The following PCDHGA3 variants were observed in gnomAD, a reference collection of about 807,000 sequenced individuals.
PCDHGA3 encodes protocadherin gamma-A3.
Under a neutral mutation model 58.5 loss-of-function variants are expected in PCDHGA3, and 40 were observed. The ratio of observed to expected loss-of-function variants is 0.68; its 90% CI spans 0.53 to 0.89. PCDHGA3 has a LOEUF of 0.89. Ranked by LOEUF, PCDHGA3 falls within the 40% of genes least tolerant of loss-of-function variation. PCDHGA3 has a pLI of 0.00. For missense variants in PCDHGA3, 1,223 were observed against 1,195.9 expected (o/e 1.02, Z -0.33); for synonymous variants, 530 against 525.7 (o/e 1.01, Z -0.11).
At chr5:141,449,631 G>C in intron 1 of PCDHGA3, among the ~76,000 whole-genome samples, 1 of 148,476 alleles carries the variant, frequency 6.7e-6, no homozygotes, top group Middle Eastern at 3.6e-3. Flanking sequence ...TTAAAAAGAT[G>C]TATCTATATA....
At chr5:141,501,470 TG>T (rs1206698871) in intron 2 of PCDHGA3, among the ~76,000 whole-genome samples, 1 of 152,068 alleles carries the variant, frequency 6.6e-6, no homozygotes, top group African/African-American at 2.4e-5. Flanking sequence ...CCCCAAATCC[TG>T]GAAGAGTCCC....
At chr5:141,497,807 T>G (rs2099779585) in intron 2 of PCDHGA3, among the ~76,000 whole-genome samples, 1 of 152,210 alleles carries the variant, frequency 6.6e-6, no homozygotes, top group African/African-American at 2.4e-5. Context: ...CCCAAAGTGC[T>G]AGAATTACAG....
chr5:141,415,906 A>G, intron 1 of PCDHGA3: 1 of 784,990 alleles, frequency 1.3e-6, no homozygotes, highest in Non-Finnish European at 1.8e-6. Context: ...ACAGACTTCC[A>G]TACAGAAGTG....
At chr5:141,427,825 C>T (rs1342117815) in intron 1 of PCDHGA3, 2 of 1,536,464 alleles carry the variant, frequency 1.3e-6, no homozygotes, top group Non-Finnish European at 1.8e-6. Flanking sequence ...GTGGTGGTCG[C>T]GCAGCGTGCC....
At chr5:141,452,370 G>A (rs2098739834) in intron 1 of PCDHGA3, among the ~76,000 whole-genome samples, 1 of 152,136 alleles carries the variant, frequency 6.6e-6, no homozygotes, top group Non-Finnish European at 1.5e-5. Flanking sequence ...CTTCATTTTA[G>A]TAGGGAATAG....
chr5:141,452,002 T>C (rs965343762), intron 1 of PCDHGA3, among the ~76,000 whole-genome samples: 1 of 152,220 alleles, frequency 6.6e-6, no homozygotes, highest in African/African-American at 2.4e-5. Context: ...GCAAAATCAC[T>C]TGGTCCAGCC....
In PCDHGA3 at chr5:141,404,421, C is replaced by G. The variant is rs199749783; in HGVS notation, c.2424+57964C>G. On this transcript the variant is annotated intron_variant, in intron 1 of 3. Coordinates refer to ENST00000253812, the MANE Select transcript of PCDHGA3 (RefSeq NM_018916.4). ...AATGAGAATTCTAGAGTTATTTACT[C>G]CTTGGCAGAGGATACCATCCAAGGG... 462 of 1,613,692 alleles carry G rather than the reference C, an allele frequency of 2.9e-4. 1 individual carries two copies. The African/African-American group carries it at 5.5e-3, about 19-fold the overall frequency.
In PCDHGA3 at chr5:141,491,169, G is replaced by A. The variant is rs374498014; in HGVS notation, c.2425-3638G>A. The A allele has an allele frequency of 1.2e-6, 2 of 1,614,192 alleles. No homozygotes were observed. Among genetic ancestry groups the A allele is most frequent in the African/African-American group, 1.3e-5 (1 of 75,058 alleles). On this transcript the variant is annotated intron_variant, in intron 1 of 3. Transcript: ENST00000253812. The surrounding 1 kb of genome is among the most constrained non-coding windows in gnomAD (Gnocchi z 6.9). ...TGGAGGATGACTCTGACACCCAGCA[G>A]GTGGTGGTCCTGGTGAGGGACAATG...
chr5:141,423,035 C>T (rs1220219512), intron 1 of PCDHGA3: 2 of 1,614,214 alleles, frequency 1.2e-6, no homozygotes, highest in Admixed American at 3.3e-5. Flanking sequence ...GGCCAGAACG[C>T]CTGGCTGTCC....
intron 1 of PCDHGA3, chr5:141,400,663 A>T: frequency 4.0e-6 from 4 of 995,312 alleles, no homozygotes; most frequent in Non-Finnish European, 6.0e-6. Flanking sequence ...ACCATTCTTT[A>T]AGAGGAGCAG....
chr5:141,491,232 G>C lies in PCDHGA3; in HGVS notation c.2425-3575G>C. The C allele has an allele frequency of 6.2e-7, 1 of 1,614,220 alleles. No individual in the cohort carries two copies. Among genetic ancestry groups the C allele is most frequent in the Non-Finnish European group, 8.5e-7 (1 of 1,180,034 alleles). On this transcript the variant is annotated intron_variant, in intron 1 of 3. Coordinates refer to ENST00000253812, the MANE Select transcript of PCDHGA3 (RefSeq NM_018916.4). The surrounding 1 kb of genome is among the most constrained non-coding windows in gnomAD (Gnocchi z 6.9). ...TCTCCTCCACAGCCACAGTGCTGCT[G>C]GTTCTGGAGGATGAGGACCCTGAGG... is the stretch of plus-strand genomic sequence containing the variant.
chr5:141,412,020 C>G (rs1158851404), intron 1 of PCDHGA3: 1 of 145,358 alleles, frequency 6.9e-6, no homozygotes, highest in Non-Finnish European at 1.5e-5. Context: ...TCTGAACATC[C>G]TGTTCTCTGT....
At chr5:141,484,362 A>T (rs1460176695) in intron 1 of PCDHGA3, among the ~76,000 whole-genome samples, 1 of 152,196 alleles carries the variant, frequency 6.6e-6, no homozygotes, top group Non-Finnish European at 1.5e-5. Context: ...TATCTAGTGT[A>T]TCACTAGCAA....
chr5:141,388,876 T>C lies in PCDHGA3; in HGVS notation c.2424+42419T>C, dbSNP rs941783342. 6.2e-6 allele frequency: 10 copies of C among 1,613,840 alleles called. No homozygotes were observed. In the African/African-American group the frequency reaches 1.1e-4, roughly 17 times the overall value. On this transcript the variant is annotated intron_variant, in intron 1 of 3. Coordinates refer to ENST00000253812, the MANE Select transcript of PCDHGA3 (RefSeq NM_018916.4). ...GGAGGAATGATTGCGCAATGCACAGTGGAGGTAGAAGTCATAGATGAAAAT... is the reference window on the plus strand; with the variant it reads ...GGAGGAATGATTGCGCAATGCACAGCGGAGGTAGAAGTCATAGATGAAAAT...
intron 1 of PCDHGA3, among the ~76,000 whole-genome samples, chr5:141,449,680 T>C (rs2098651613): frequency 6.6e-6 from 1 of 151,546 alleles, no homozygotes; most frequent in Admixed American, 6.6e-5. Flanking sequence ...TATGTATATA[T>C]GTTTGTGTGT....
At position 141,344,153 on chromosome 5, in the gene PCDHGA3, T is replaced by C. The variant is rs370783351; in HGVS notation, c.120T>C (p.Asp40=). 1.2e-6 allele frequency: 2 copies of C among 1,613,884 alleles called. No individual in the cohort carries two copies. Among genetic ancestry groups the C allele is most frequent in the Admixed American group, 1.7e-5 (1 of 60,004 alleles). ...QIRYSVSEEL[D]KGSFVGNIAN... ...GCTACTCGGTGTCTGAGGAGCTAGA[T>C]AAAGGTTCCTTCGTGGGCAACATCG... Residue 40 remains aspartate, a synonymous_variant, in exon 1 of 4, where the codon GAT becomes GAC. Coordinates refer to ENST00000253812, the MANE Select transcript of PCDHGA3 (RefSeq NM_018916.4).
chr5:141,446,469 T>C (rs538381725), intron 1 of PCDHGA3, among the ~76,000 whole-genome samples: 2 of 149,740 alleles, frequency 1.3e-5, no homozygotes, highest in South Asian at 4.2e-4. Flanking sequence ...TGATTAGACA[T>C]ATGGTCATCA....
intron 1 of PCDHGA3, chr5:141,410,140 G>C: frequency 6.2e-7 from 1 of 1,612,782 alleles, no homozygotes; most frequent in Non-Finnish European, 8.5e-7. Context: ...TGGTCGCTGT[G>C]CGTGACGGTG....
At position 141,423,614 on chromosome 5, in the gene PCDHGA3, A is replaced by C. The variant is rs1365658002; in HGVS notation, c.2425-71193A>C. 8 of 1,610,406 alleles carry C rather than the reference A, an allele frequency of 5.0e-6. No homozygotes were observed. The highest frequency in any genetic ancestry group is 6.8e-6 in the Non-Finnish European group (8 of 1,178,132). ...AAAAGCGAGCCACTCTTGATAGCTG[A>C]AGACTCAGCTATCATTTTAGGCAAA... On this transcript the variant is annotated intron_variant, in intron 1 of 3. Transcript: ENST00000253812.
Sources: allele counts gnomAD v4.1 joint callset (sites outside exome capture counted in the v4.1 genomes callset), GRCh38; gene constraint gnomAD v4.1.1; non-coding constraint Gnocchi (gnomAD v3.1); transcripts MANE v1.5; gene names NCBI Gene and HGNC (gene_info 2026-07-23, HGNC 2026-07-21).